LCMT1: variants seen among roughly 807,000 people sequenced by gnomAD.
The protein encoded by LCMT1 is leucine carboxyl methyltransferase 1, also known as [Phosphatase 2A protein]-leucine-carboxy methyltransferase 1.
In LCMT1, 32 loss-of-function variants were observed where a neutral mutation model predicts 47.7. The observed-to-expected ratio is 0.67, with a 90% CI of 0.51 to 0.90. The LOEUF is 0.90. LCMT1 is among the 40% of genes least tolerant of loss of function. The pLI is 0.00. For missense variants in LCMT1, 375 were observed against 415.2 expected, an observed-to-expected ratio of 0.90 and a Z score of 0.84; for synonymous variants, 152 against 149.7, an observed-to-expected ratio of 1.02 and a Z score of -0.11.
intron 4 of LCMT1, chr16:25,141,190 A>G (rs1462992054): frequency 6.6e-6 from 1 of 152,228 alleles, no homozygotes; most frequent in Non-Finnish European, 1.5e-5. Context: ...TAAAAACACA[A>G]TACGCCAAAA....
chr16:25,132,911 G>A (rs1478534246), intron 3 of LCMT1, among the ~76,000 whole-genome samples: 1 of 148,290 alleles, frequency 6.7e-6, no homozygotes, highest in South Asian at 2.1e-4. Context: ...AGGCTGGAAC[G>A]CAATGGCACA....
In LCMT1 at chr16:25,128,669, G is replaced by A. The variant is rs528930870; in HGVS notation, c.205+103G>A. On this transcript the variant is annotated intron_variant, in intron 2 of 10. Transcript: ENST00000399069. ...TGGTGTGCTCCCTTTCCAGCTGTGCGCAAAAGTGCTTATTTCCCCAGATCT... is the reference window on the plus strand; with the variant it reads ...TGGTGTGCTCCCTTTCCAGCTGTGCACAAAAGTGCTTATTTCCCCAGATCT... 2.8e-5 allele frequency: 23 copies of A among 818,744 alleles called. No individual in the cohort carries two copies. In the East Asian group the frequency reaches 4.3e-4, roughly 15 times the overall value. The allele number at this position is 818,744 out of a possible 1,614,324, so 50.7% of individuals were successfully genotyped here.
chr16:25,143,424 A>C (rs1960755648), intron 4 of LCMT1: 1 of 152,172 alleles, frequency 6.6e-6, no homozygotes, highest in African/African-American at 2.4e-5. Context: ...AGAGGCTCTG[A>C]GTAATCTTAC....
rs564119431 is a variant in LCMT1 at position 25,140,759 on chromosome 16, G to T, written c.404+512G>T. ...GGGCCACTTGGTGGTCTGGCTGGCGGCAAGAAGACTGTCAATCAGTTGTTC... is the reference window on the plus strand; with the variant it reads ...GGGCCACTTGGTGGTCTGGCTGGCGTCAAGAAGACTGTCAATCAGTTGTTC... On this transcript the variant is annotated intron_variant, in intron 4 of 10. Transcript: ENST00000399069. 1.7e-4 allele frequency: 26 copies of T among 155,112 alleles called. No homozygotes were observed. The South Asian group carries it at 3.4e-3, about 20-fold the overall frequency. The allele number at this position is 155,112 out of a possible 1,614,324, so 9.6% of individuals were successfully genotyped here.
At chr16:25,173,134 C>T (rs960283270) in intron 9 of LCMT1, among the ~76,000 whole-genome samples, 6 of 152,168 alleles carry the variant, frequency 3.9e-5, no homozygotes, top group Non-Finnish European at 5.9e-5. Context: ...AAGTCTAAGG[C>T]GAGCCTGTTC....
Position 25,169,123 on chromosome 16 carries a change from T to C in LCMT1, c.702T>C (p.Gly234=). Residue 234 remains glycine (G), a synonymous_variant, in exon 8 of 11, where the codon GGT becomes GGC. Transcript: ENST00000399069. ...MFINYEQVNM[G]DRFGQIMIEN... ...TCTTTCCCTCCTAGGTGAACATGGG[T>C]GATCGGTTTGGGCAGATCATGATTG... 1 of 1,612,764 alleles carries C rather than the reference T, an allele frequency of 6.2e-7. No individual in the cohort carries two copies.
intron 5 of LCMT1, chr16:25,159,074 GAGTA>G (rs1347490461): frequency 6.6e-6 from 1 of 152,138 alleles, no homozygotes; most frequent in East Asian, 1.9e-4. Context: ...ATCCTAATGT[GAGTA>G]AGAGAGATCT....
chr16:25,112,816 C>T (rs1365592296), intron 1 of LCMT1, among the ~76,000 whole-genome samples: 1 of 151,920 alleles, frequency 6.6e-6, no homozygotes, highest in Non-Finnish European at 1.5e-5. Context: ...TACGGCAGTG[C>T]CATTAGAGTT....
At chr16:25,129,166 A>C (rs1478307454) in intron 2 of LCMT1, among the ~76,000 whole-genome samples, 1 of 151,490 alleles carries the variant, frequency 6.6e-6, no homozygotes, top group Non-Finnish European at 1.5e-5. Flanking sequence ...ATTCCTTTTT[A>C]TGGCTGCAAA....
At chr16:25,151,892 G>A (rs1232032305) in intron 5 of LCMT1, among the ~76,000 whole-genome samples, 1 of 151,862 alleles carries the variant, frequency 6.6e-6, no homozygotes, top group African/African-American at 2.4e-5. Context: ...AGGGGCAAAA[G>A]GAGGAGGAAT....
intron 10 of LCMT1, among the ~76,000 whole-genome samples, chr16:25,175,461 T>C (rs1391387337): frequency 7.9e-6 from 1 of 126,706 alleles, no homozygotes; most frequent in Non-Finnish European, 1.6e-5. Context: ...CCGTCTCTAC[T>C]AAAAATACAA....
Position 25,111,949 on chromosome 16 carries a change from C to G in LCMT1, c.66C>G (p.Asp22Glu). The G allele has an allele frequency of 1.2e-6, 2 of 1,613,614 alleles. No individual in the cohort carries two copies. Among genetic ancestry groups the G allele is most frequent in the Non-Finnish European group, 1.7e-6 (2 of 1,179,770 alleles). ...SCCSTSSCDA[D>E]DEGVRGTCED... ...GTTCCACCTCGAGCTGCGACGCAGA[C>G]GACGAGGGCGTGCGCGGCACCTGCG... Residue 22 changes from aspartate to glutamate, a missense_variant, in exon 1 of 11, where the codon GAC (aspartate) becomes GAG (glutamate). Transcript: ENST00000399069.
chr16:25,140,265 A>G lies in LCMT1; in HGVS notation c.404+18A>G, dbSNP rs376871139. On this transcript the variant is annotated intron_variant, in intron 4 of 10. Coordinates refer to ENST00000399069, the MANE Select transcript of LCMT1 (RefSeq NM_016309.3). ...AGTATCAAGTAAGTGTGGCATGGCCAGAAGAACAAAAGCCAGCGAGAATTC... is the reference window on the plus strand; with the variant it reads ...AGTATCAAGTAAGTGTGGCATGGCCGGAAGAACAAAAGCCAGCGAGAATTC... 17 of 1,562,296 alleles carry G rather than the reference A, an allele frequency of 1.1e-5. No individual in the cohort carries two copies. In the African/African-American group the frequency reaches 2.3e-4, roughly 21 times the overall value.
chr16:25,116,251 T>C (rs1242732779), intron 1 of LCMT1, among the ~76,000 whole-genome samples: 1 of 152,226 alleles, frequency 6.6e-6, no homozygotes, highest in Non-Finnish European at 1.5e-5. Context: ...CCAGTAGCTC[T>C]GTCTTTTCTA....
At chr16:25,114,754 G>T (rs1168542385) in intron 1 of LCMT1, among the ~76,000 whole-genome samples, 1 of 151,906 alleles carries the variant, frequency 6.6e-6, no homozygotes. Flanking sequence ...GCCCTCTCCC[G>T]TGGCTCCTCC....
chr16:25,151,467 G>A lies in LCMT1; in HGVS notation c.405-87G>A. On this transcript the variant is annotated intron_variant, in intron 4 of 10. Transcript: ENST00000399069. ...TATATATTTGCCATTTTGGTAGTGA[G>A]TGTCTGCATTTGTGCAGTAAATGAG... 6 of 1,110,854 alleles carry A rather than the reference G, an allele frequency of 5.4e-6. No individual in the cohort carries two copies. In the South Asian group the frequency reaches 6.7e-5, roughly 12 times the overall value. 68.8% of individuals were successfully genotyped at this position (1,110,854 alleles called of 1,614,324 possible). A position where few individuals can be genotyped will look rare whatever the true frequency, so the allele number is the denominator to read the frequency against.
At chr16:25,148,659 G>A (rs373121615) in intron 4 of LCMT1, 47 of 152,412 alleles carry the variant, frequency 3.1e-4, no homozygotes, top group African/African-American at 1.1e-3. Flanking sequence ...AACATTGTCT[G>A]GGGCAGGAGT....
At chr16:25,160,351 A>G (rs277897) in intron 5 of LCMT1, among the ~76,000 whole-genome samples, 38,811 of 83,988 alleles carry the variant, frequency 0.46, 5,048 homozygotes, top group Admixed American at 0.54. Context: ...TCTGATGACC[A>G]CTGAAGCCTG....
chr16:25,138,403 A>C (rs1960567615), intron 3 of LCMT1, among the ~76,000 whole-genome samples: 1 of 152,062 alleles, frequency 6.6e-6, no homozygotes, highest in Non-Finnish European at 1.5e-5. Context: ...GGGTGGCTGG[A>C]TAGCGAGGAG....
Sources: allele counts gnomAD v4.1 joint callset (sites outside exome capture counted in the v4.1 genomes callset), GRCh38; gene constraint gnomAD v4.1.1; transcripts MANE v1.5; gene names NCBI Gene and HGNC (gene_info 2026-07-23, HGNC 2026-07-21).